The following RGSL1 variants were observed in gnomAD, a reference collection of about 807,000 sequenced individuals.
RGSL1 encodes the protein regulator of G protein signaling protein-like.
In RGSL1, 97 loss-of-function variants were observed where a neutral mutation model predicts 124.7. The ratio of observed to expected loss-of-function variants is 0.78; its 90% CI spans 0.66 to 0.92. RGSL1 has a LOEUF of 0.92. Ranked by LOEUF, RGSL1 falls within the 40% of genes least tolerant of loss-of-function variation. RGSL1 has a pLI of 0.00. For missense variants in RGSL1, 1,233 were observed against 1,288.4 expected (o/e 0.96, Z 0.66); for synonymous variants, 424 against 438.1 (o/e 0.97, Z 0.40).
At chr1:182,513,246 G>T (rs1657598798) in intron 9 of RGSL1, among the ~76,000 whole-genome samples, 1 of 152,322 alleles carries the variant, frequency 6.6e-6, no homozygotes, top group Middle Eastern at 3.4e-3. Context: ...AGGGGGCATT[G>T]TTTTGGGGAA....
At chr1:182,542,410 T>C (rs4119588) in intron 15 of RGSL1, among the ~76,000 whole-genome samples, 75,636 of 151,992 alleles carry the variant, frequency 0.5, 19,314 homozygotes, top group Non-Finnish European at 0.55. Context: ...TCTATTCTGT[T>C]CCACAGGTCT....
chr1:182,501,112 A>G (rs1656320827), intron 9 of RGSL1, among the ~76,000 whole-genome samples: 1 of 151,988 alleles, frequency 6.6e-6, no homozygotes, highest in Non-Finnish European at 1.5e-5. Context: ...ATTGACTATA[A>G]TGTTTCCTGT....
chr1:182,465,704 T>C (rs1002689060), intron 4 of RGSL1, among the ~76,000 whole-genome samples: 3 of 152,122 alleles, frequency 2.0e-5, no homozygotes, highest in Non-Finnish European at 4.4e-5. Context: ...CTGGACCTGA[T>C]GGTTTTACTG....
intron 10 of RGSL1, among the ~76,000 whole-genome samples, chr1:182,527,079 T>C (rs982863196): frequency 1.3e-5 from 2 of 151,912 alleles, no homozygotes; most frequent in African/African-American, 4.8e-5. Flanking sequence ...CTCATATCAA[T>C]AAAAATTGAA....
Position 182,549,977 on chromosome 1 carries a change from G to C in RGSL1, c.2934-1123G>C, listed in dbSNP as rs544285824. The stretch of plus-strand genomic sequence containing the variant: ...CTCTTGAATGAGCCAGTGTTTAGCT[G>C]TCTCCCATGTGCTTAGAAAAATGAG... On this transcript the variant is annotated intron_variant, in intron 17 of 21. Transcript: ENST00000294854. 7.5e-4 allele frequency: 115 copies of C among 152,328 alleles called. 1 individual carries two copies. The highest frequency in any genetic ancestry group is 2.7e-3 in the African/African-American group (111 of 41,580). The allele number at this position is 152,328 out of a possible 1,614,324, so 9.4% of individuals were successfully genotyped here.
At chr1:182,549,993 G>A (rs1660461006) in intron 17 of RGSL1, 1 of 152,200 alleles carries the variant, frequency 6.6e-6, no homozygotes, top group Admixed American at 6.5e-5. Flanking sequence ...CATGTGCTTA[G>A]AAAAATGAGA....
chr1:182,542,406 C>T (rs760568132), intron 15 of RGSL1, among the ~76,000 whole-genome samples: 4 of 152,152 alleles, frequency 2.6e-5, no homozygotes, highest in Non-Finnish European at 5.9e-5. Flanking sequence ...ATTGTCTATT[C>T]TGTTCCACAG....
chr1:182,514,322 C>G (rs1239149975), intron 9 of RGSL1, among the ~76,000 whole-genome samples: 6 of 152,160 alleles, frequency 3.9e-5, no homozygotes, highest in Admixed American at 3.9e-4. Context: ...AGTCTCCCAT[C>G]TCGTCAGTGG....
In RGSL1 at chr1:182,474,202, G is replaced by T; in HGVS notation, c.1091G>T (p.Ser364Ile). ...KMTIQKAIKQ[S>I]FSLGYIHLAL... ...ACAATTCAGAAGGCCATCAAGCAAA[G>T]CTTCTCCTTAGGATACATCCACTTG... Residue 364 changes from serine (S) to isoleucine (I), a missense_variant, in exon 6 of 22, where the codon AGC becomes ATC. Ser to Ile is a moderately radical substitution (Grantham distance 142). Coordinates refer to ENST00000294854, the MANE Select transcript of RGSL1 (RefSeq NM_001137669.2). 1 of 1,552,014 alleles carries T rather than the reference G, an allele frequency of 6.4e-7. No individual in the cohort carries two copies. The highest frequency in any genetic ancestry group is 8.7e-7 in the Non-Finnish European group (1 of 1,147,058).
intron 17 of RGSL1, 165 bp from the exon 18 acceptor site, chr1:182,550,934 CA>C: frequency 1.6e-6 from 1 of 608,106 alleles, no homozygotes; most frequent in Admixed American, 2.9e-5. Flanking sequence ...GGCCTCAGAA[CA>C]AAGGCCACTG....
rs1016825027 is a variant in RGSL1, at chr1:182,457,592, G to T, written c.97-727G>T. 2.4e-4 allele frequency among the ~76,000 whole-genome samples: 37 copies of T among 152,192 alleles called. 1 individual carries two copies. On this transcript the variant is annotated intron_variant, in intron 2 of 21. Coordinates refer to ENST00000294854, the MANE Select transcript of RGSL1 (RefSeq NM_001137669.2). Reference sequence around the variant, plus strand: ...TGAGGCTGTTCATCTAGGGGAGATGGTCAGACTGACATGATGTGCTGAGAG... The same window carrying T: ...TGAGGCTGTTCATCTAGGGGAGATGTTCAGACTGACATGATGTGCTGAGAG...
At chr1:182,494,201 G>T (rs1359062730) in intron 9 of RGSL1, among the ~76,000 whole-genome samples, 4 of 152,192 alleles carry the variant, frequency 2.6e-5, no homozygotes, top group South Asian at 2.1e-4. Context: ...CAAGTGAATT[G>T]TCCAGTATCT....
intron 19 of RGSL1, among the ~76,000 whole-genome samples, chr1:182,554,125 C>A (rs1055137864): frequency 6.6e-6 from 1 of 152,222 alleles, no homozygotes; most frequent in African/African-American, 2.4e-5. Context: ...TCTCTCCTAA[C>A]AAACCTTCCC....
intron 3 of RGSL1, among the ~76,000 whole-genome samples, chr1:182,458,763 G>A (rs945875488): frequency 1.6e-4 from 25 of 152,138 alleles, no homozygotes; most frequent in African/African-American, 3.1e-4. Context: ...CTGAGCCACC[G>A]TGCCTGGCCT....
At chr1:182,508,358 G>A (rs897438859) in intron 9 of RGSL1, among the ~76,000 whole-genome samples, 1 of 118,734 alleles carries the variant, frequency 8.4e-6, no homozygotes, top group Non-Finnish European at 1.6e-5. Context: ...GGAGTGCAAT[G>A]GGGTGATTTC....
intron 6 of RGSL1, among the ~76,000 whole-genome samples, chr1:182,477,769 C>G (rs1306856319): frequency 1.3e-5 from 2 of 152,156 alleles, no homozygotes; most frequent in African/African-American, 4.8e-5. Context: ...GCAGGCCTGC[C>G]TATAAACATT....
At chr1:182,464,648 C>T (rs527656030) in intron 4 of RGSL1, among the ~76,000 whole-genome samples, 72 of 151,256 alleles carry the variant, frequency 4.8e-4, no homozygotes, top group Non-Finnish European at 7.2e-4. Context: ...CACTTGAACC[C>T]GGGAGGCAGA....
chr1:182,453,494 G>A (rs917518425), intron 1 of RGSL1: 2 of 154,900 alleles, frequency 1.3e-5, no homozygotes, highest in African/African-American at 4.8e-5. Flanking sequence ...ACCAGATGGA[G>A]AGAAGGCCAT....
chr1:182,554,358 T>G (rs928518396), intron 19 of RGSL1, among the ~76,000 whole-genome samples: 2 of 152,172 alleles, frequency 1.3e-5, no homozygotes, highest in Admixed American at 1.3e-4. Context: ...ATCTCCTATT[T>G]TACTTCCCTA....
Sources: gnomAD v4.1 joint callset for allele counts (sites outside exome capture counted in the v4.1 genomes callset) on GRCh38, gnomAD v4.1.1 for gene constraint, MANE v1.5 for transcripts, NCBI Gene and HGNC (gene_info 2026-07-23, HGNC 2026-07-21) for gene names.